TRPM8: variants seen among roughly 807,000 people sequenced by gnomAD.
TRPM8 encodes TRPM8 cationic channel.
Under a neutral mutation model 133.7 loss-of-function variants are expected in TRPM8, and 110 were observed. The observed-to-expected ratio is 0.82, with a 90% CI of 0.70 to 0.96. The LOEUF is 0.96. Ranked by LOEUF, TRPM8 falls within the 40% of genes least tolerant of loss-of-function variation. The pLI is 0.00. For synonymous variants in TRPM8, 535 were observed against 532.3 expected, an observed-to-expected ratio of 1.01 and a Z score of -0.07; for missense variants, 1,291 against 1,379.5, an observed-to-expected ratio of 0.94 and a Z score of 1.02.
chr2:233,941,579 C>T (rs897542237), intron 5 of TRPM8, among the ~76,000 whole-genome samples: 15 of 152,146 alleles, frequency 9.9e-5, no homozygotes, highest in Admixed American at 7.9e-4. Context: ...CAGCTCCTGA[C>T]GCTTCTCTTA....
chr2:233,981,786 T>C lies in TRPM8; in HGVS notation c.2460T>C (p.Ser820=), dbSNP rs1361547787. 1.2e-6 allele frequency: 2 copies of C among 1,610,282 alleles called. No individual in the cohort carries two copies. Among genetic ancestry groups the C allele is most frequent in the Non-Finnish European group, 1.7e-6 (2 of 1,178,900 alleles). Reference sequence around the variant, plus strand: ...CTTTTCCCCCTAGGCTCCACTCTTCTAATAAAAGCTCTTTGTATTCTGGAC... The same window carrying C: ...CTTTTCCCCCTAGGCTCCACTCTTCCAATAAAAGCTCTTTGTATTCTGGAC... ...IAGIVFRLHS[S]NKSSLYSGRV... The change falls in exon 19 of 26, where the codon TCT becomes TCC. Residue 820 remains serine (S), a synonymous_variant. Transcript: ENST00000324695.
intron 13 of TRPM8, 116 bp downstream of exon 13, chr2:233,963,493 T>C: frequency 1.6e-6 from 1 of 621,594 alleles, no homozygotes; most frequent in Non-Finnish European, 2.8e-6. Context: ...ATGGGATGTC[T>C]GAGTTCAGAT....
intron 17 of TRPM8, among the ~76,000 whole-genome samples, chr2:233,975,594 C>G (rs1691849908): frequency 6.6e-6 from 1 of 152,174 alleles, no homozygotes. Flanking sequence ...TCTAAAGAAA[C>G]CAGAGGCTGG....
rs1692987176 is a variant in TRPM8 at position 234,017,565 on chromosome 2, C to A, written c.*309C>A. 3.3e-6 allele frequency: 1 copy of A among 299,236 alleles called. No individual in the cohort carries two copies. Among genetic ancestry groups the A allele is most frequent in the African/African-American group, 2.2e-5 (1 of 45,134 alleles). 18.5% of individuals were successfully genotyped at this position (299,236 alleles called of 1,614,324 possible). A position where few individuals can be genotyped will look rare whatever the true frequency, so the allele number is the denominator to read the frequency against. ...AGTTTAAGTGTGTTCTTACCGCCTCCTTTTTCCTTTAATCTTATTTTTGAT... is the reference window on the plus strand; with the variant it reads ...AGTTTAAGTGTGTTCTTACCGCCTCATTTTTCCTTTAATCTTATTTTTGAT... On this transcript the variant is annotated 3_prime_UTR_variant, in exon 26 of 26. Coordinates refer to ENST00000324695, the MANE Select transcript of TRPM8 (RefSeq NM_024080.5).
chr2:233,985,503 C>T (rs1692123139), intron 20 of TRPM8, among the ~76,000 whole-genome samples, 185 bp from the exon 21 acceptor site: 1 of 152,180 alleles, frequency 6.6e-6, no homozygotes, highest in African/African-American at 2.4e-5. Flanking sequence ...AGTAGCTGCT[C>T]AGTAAATATG....
chr2:233,996,161 A>T (rs1315741379), intron 21 of TRPM8, among the ~76,000 whole-genome samples, 165 bp from the exon 22 acceptor site: 3 of 150,674 alleles, frequency 2.0e-5, no homozygotes, highest in African/African-American at 7.3e-5. Context: ...GGTCACTTTC[A>T]CTTCCTGCTG....
At position 233,947,655 on chromosome 2, in the gene TRPM8, C is replaced by T. The variant is rs1239537668; in HGVS notation, c.942+500C>T. 3 of 1,238,550 alleles carry T rather than the reference C, an allele frequency of 2.4e-6. No homozygotes were observed. In the African/African-American group the frequency reaches 4.6e-5, roughly 19 times the overall value. 76.7% of individuals were successfully genotyped at this position (1,238,550 alleles called of 1,614,324 possible). On this transcript the variant is annotated intron_variant, in intron 8 of 25. Coordinates refer to ENST00000324695, the MANE Select transcript of TRPM8 (RefSeq NM_024080.5). ...GGAAACTTCTTGAATGGTTCTGCAC[C>T]TGCAACACTGAGCAACTGAGCAAGA...
intron 22 of TRPM8, among the ~76,000 whole-genome samples, chr2:234,005,926 C>CCACACA: frequency 1.8e-5 from 1 of 55,928 alleles, no homozygotes. Flanking sequence ...GAAACGTCAT[C>CCACACA]TACACACACA....
rs529994257 is a variant in TRPM8, at chr2:233,979,722, A to T, written c.2356-466A>T. On this transcript the variant is annotated intron_variant, in intron 17 of 25. Coordinates refer to ENST00000324695, the MANE Select transcript of TRPM8 (RefSeq NM_024080.5). ...CAGCACTTATGTGCACATTTTTTTT[A>T]AAAAAAGATTTCTTTTAATCAAGAT... is the stretch of plus-strand genomic sequence containing the variant. 3.9e-4 allele frequency among the ~76,000 whole-genome samples: 60 copies of T among 152,208 alleles called. No homozygotes were observed. In the East Asian group the frequency reaches 4.2e-3, roughly 11 times the overall value.
intron 7 of TRPM8, chr2:233,946,252 A>G (rs1273887423): frequency 4.5e-6 from 2 of 441,780 alleles, no homozygotes; most frequent in Non-Finnish European, 8.1e-6. Flanking sequence ...AAAGGCAATG[A>G]TAAATACGGC....
intron 5 of TRPM8, among the ~76,000 whole-genome samples, chr2:233,941,430 T>C (rs1368560268): frequency 3.9e-5 from 6 of 152,192 alleles, no homozygotes; most frequent in Non-Finnish European, 7.3e-5. Flanking sequence ...GATCACATCG[T>C]ACTTACCTGA....
rs140387012 is a variant in TRPM8 at position 233,950,846 on chromosome 2, A to G, written c.1140+700A>G. On this transcript the variant is annotated intron_variant, in intron 9 of 25. Transcript: ENST00000324695. Reference sequence around the variant, plus strand: ...GGGAAAAGCAGCACTCCCTTTCCAAAGTGCTTATACATTTTTGATTCTCTA... The same window carrying G: ...GGGAAAAGCAGCACTCCCTTTCCAAGGTGCTTATACATTTTTGATTCTCTA... Among the ~76,000 whole-genome samples, 3 of 152,338 alleles carry G rather than the reference A, an allele frequency of 2.0e-5. No homozygotes were observed. The East Asian group carries it at 5.8e-4, about 29-fold the overall frequency.
intron 25 of TRPM8, among the ~76,000 whole-genome samples, chr2:234,014,979 T>C (rs1692924274): frequency 6.6e-6 from 1 of 152,244 alleles, no homozygotes; most frequent in African/African-American, 2.4e-5. Context: ...AAGGTCACAC[T>C]GTTCCAAGTT....
Position 234,017,624 on chromosome 2 carries a change from A to G in TRPM8, c.*368A>G, listed in dbSNP as rs201050242. 1.0e-4 allele frequency: 20 copies of G among 194,384 alleles called. No individual in the cohort carries two copies. Among genetic ancestry groups the G allele is most frequent in the Non-Finnish European group, 1.6e-4 (15 of 93,312 alleles). 12.0% of individuals were successfully genotyped at this position (194,384 alleles called of 1,614,324 possible). Reference sequence around the variant, plus strand: ...ATATAGGAGAACATCTATCCTATGAATAAGAACCTGGTCATGCTTTACTCC... The same window carrying G: ...ATATAGGAGAACATCTATCCTATGAGTAAGAACCTGGTCATGCTTTACTCC... On this transcript the variant is annotated 3_prime_UTR_variant, in exon 26 of 26. Coordinates refer to ENST00000324695, the MANE Select transcript of TRPM8 (RefSeq NM_024080.5).
At chr2:233,922,760 G>GT (rs1358902183) in intron 1 of TRPM8, among the ~76,000 whole-genome samples, 1 of 152,092 alleles carries the variant, frequency 6.6e-6, no homozygotes, top group Non-Finnish European at 1.5e-5. Context: ...TGTAAACACT[G>GT]TTCCATTTTC....
At chr2:234,014,508 A>C in intron 24 of TRPM8, 54 bp from the exon 25 acceptor site, 2 of 1,184,656 alleles carry the variant, frequency 1.7e-6, no homozygotes, top group Non-Finnish European at 2.4e-6. Flanking sequence ...TAATTTAAAA[A>C]TGAAAGTTGG....
chr2:233,926,813 C>T (rs1280079163), intron 2 of TRPM8, among the ~76,000 whole-genome samples, 159 bp downstream of exon 2: 1 of 152,258 alleles, frequency 6.6e-6, no homozygotes, highest in South Asian at 2.1e-4. Flanking sequence ...CCGGTCTGAG[C>T]CTTGAATCAC....
In TRPM8 at chr2:233,936,312, T is replaced by C. The variant is rs28901621; in HGVS notation, c.192-1041T>C. ...GTATCTGTTGAATGAAGGTGGTATG[T>C]TGGCAAAGGCACAAGGGAAGAGGAT... is the stretch of plus-strand genomic sequence containing the variant. On this transcript the variant is annotated intron_variant, in intron 3 of 25. Transcript: ENST00000324695. Among the ~76,000 whole-genome samples, 58 of 152,338 alleles carry C rather than the reference T, an allele frequency of 3.8e-4. 2 individuals carry two copies. The East Asian group carries it at 0.011, about 28-fold the overall frequency.
intron 5 of TRPM8, among the ~76,000 whole-genome samples, chr2:233,940,635 G>A (rs1690882766): frequency 6.6e-6 from 1 of 152,186 alleles, no homozygotes; most frequent in Non-Finnish European, 1.5e-5. Flanking sequence ...CACTTGGAGT[G>A]CTACCTTCAC....
Sources: allele counts gnomAD v4.1 joint callset (sites outside exome capture counted in the v4.1 genomes callset), GRCh38; gene constraint gnomAD v4.1.1; transcripts MANE v1.5; gene names NCBI Gene and HGNC (gene_info 2026-07-23, HGNC 2026-07-21).